The following ITGB7 variants were observed in gnomAD, a reference collection of about 807,000 sequenced individuals.
ITGB7 encodes integrin subunit beta 7.
ITGB7 carries 55 observed loss-of-function variants against 83.4 expected under a neutral mutation model. The observed-to-expected ratio is 0.66, with a 90% CI of 0.53 to 0.83. ITGB7 has a LOEUF of 0.83. Ranked by LOEUF, ITGB7 falls within the 40% of genes least tolerant of loss-of-function variation. The pLI is 0.00. For synonymous variants in ITGB7, 454 were observed against 423.6 expected (o/e 1.07, Z -0.88); for missense variants, 921 against 1,046.7 (o/e 0.88, Z 1.66).
chr12:53,200,795 G>A (rs1247452750), intron 2 of ITGB7, among the ~76,000 whole-genome samples: 1 of 152,158 alleles, frequency 6.6e-6, no homozygotes, highest in East Asian at 1.9e-4. Flanking sequence ...CAGGCATGGT[G>A]GCGTGCACCT....
At chr12:53,197,291 A>G in intron 5 of ITGB7, 1 of 656,118 alleles carries the variant, frequency 1.5e-6, no homozygotes, top group East Asian at 2.7e-5. Flanking sequence ...TGTAAAACGG[A>G]TAGTCTCTTG....
rs141826130 is a variant in ITGB7, at chr12:53,192,753, G to T, written c.1884C>A (p.Asp628Glu). The T allele has an allele frequency of 6.2e-7, 1 of 1,614,234 alleles. No homozygotes were observed. Among genetic ancestry groups the T allele is most frequent in the Non-Finnish European group, 8.5e-7 (1 of 1,180,050 alleles). Reference protein sequence around the residue: ...RCKCNRCQCLDGYYGALCDQC... With the variant: ...RCKCNRCQCLEGYYGALCDQC... ...GGTCGCATAGAGCACCATAGTAGCC[G>T]TCCAAGCACTGGCAGCGGTTGCATT... is the stretch of plus-strand genomic sequence containing the variant. Residue 628 changes from aspartate to glutamate, a missense_variant, in exon 13 of 16, where the codon GAC becomes GAA. By Grantham distance (45) the Asp-to-Glu change is conservative. Transcript: ENST00000267082.
At chr12:53,203,647 C>CAAAAAAAAAAAAAAAAAAAAAAAAA (rs1158624130) in intron 1 of ITGB7, among the ~76,000 whole-genome samples, 2 of 51,050 alleles carry the variant, frequency 3.9e-5, no homozygotes, top group Non-Finnish European at 9.2e-5. Flanking sequence ...GACCCTGTCT[C>CAAAAAAAAAAAAAAAAAAAAAAAAA]AAAAAAAAAA....
At chr12:53,195,901 GA>G in intron 7 of ITGB7, 139 bp downstream of exon 7, 1 of 1,082,708 alleles carries the variant, frequency 9.2e-7, no homozygotes, top group Non-Finnish European at 1.4e-6. Context: ...CTCGGCAGCT[GA>G]AAGGAGGAAC....
rs751293806 is a variant in ITGB7, at chr12:53,196,213, G to A, written c.817-14C>T. ...GCCAATCTGCTCCTGAGTTACAGTG[G>A]GGGTGGTAGGCTATGCACCTGGGCA... On this transcript the variant is annotated splice_polypyrimidine_tract_variant and intron_variant, in intron 6 of 15. Transcript: ENST00000267082. 7.4e-6 allele frequency: 12 copies of A among 1,613,386 alleles called. No homozygotes were observed. In the Admixed American group the frequency reaches 2.0e-4, roughly 27 times the overall value.
rs574226446 is a variant in ITGB7, at chr12:53,194,296, C to T, written c.1210G>A (p.Val404Ile). ...TLEHSSLPPG[V>I]HISYESQCEG... ...CACTGGGATTCGTAAGAAATGTGGA[C>T]CCCAGGAGGGAGTGAAGAGTGTTCA... The change falls in exon 10 of 16, where the codon GTC (valine) becomes ATC (isoleucine). Residue 404 changes from valine (V) to isoleucine (I), a missense_variant. By Grantham distance (29) the Val-to-Ile change is conservative. Transcript: ENST00000267082. 6.2e-7 allele frequency: 1 copy of T among 1,613,962 alleles called. No homozygotes were observed. Among genetic ancestry groups the T allele is most frequent in the Non-Finnish European group, 8.5e-7 (1 of 1,179,948 alleles).
Position 53,192,402 on chromosome 12 carries a change from TG to T in ITGB7, c.2082del (p.Asp694GlufsTer21). The T allele has an allele frequency of 1.9e-6, 3 of 1,613,572 alleles. No homozygotes were observed. The highest frequency in any genetic ancestry group is 2.5e-6 in the Non-Finnish European group (3 of 1,179,858). The stretch of plus-strand genomic sequence containing the variant: ...TCCACCAAGAAGAAGAACAGCTGGT[TG>T]TCCAGGGTCCGCTCTTTGCACCAGC... ...DDGWCKERTL[D>X]NQLFFFLVED... On this transcript the variant is annotated frameshift_variant, in exon 14 of 16. Coordinates refer to ENST00000267082, the MANE Select transcript of ITGB7 (RefSeq NM_000889.3). LOFTEE classifies it high-confidence loss of function.
At chr12:53,200,486 G>A in intron 2 of ITGB7, 40 bp from the exon 3 acceptor site, 2 of 1,571,192 alleles carry the variant, frequency 1.3e-6, no homozygotes, top group Non-Finnish European at 1.8e-6. Context: ...GGTCCTCAGG[G>A]AGGACTCTCA....
chr12:53,205,812 T>C (rs1342568738), intron 1 of ITGB7, among the ~76,000 whole-genome samples: 2 of 152,074 alleles, frequency 1.3e-5, no homozygotes, highest in African/African-American at 4.8e-5. Context: ...GGGTGGGGTG[T>C]TGAGTCCTTG....
intron 5 of ITGB7, 124 bp downstream of exon 5, chr12:53,197,368 TG>T: frequency 9.4e-7 from 1 of 1,067,778 alleles, no homozygotes; most frequent in South Asian, 1.3e-5. Context: ...ACCTGTGGCC[TG>T]GCTAGGCCTG....
In ITGB7 at chr12:53,193,163, C is replaced by T. The variant is rs747008975; in HGVS notation, c.1703G>A (p.Arg568Gln). The change falls in exon 12 of 16, where the codon CGA (arginine) becomes CAA (glutamine). Residue 568 changes from arginine (R) to glutamine (Q), a missense_variant. Physicochemically the swap from Arg to Gln is conservative, Grantham distance 43 (BLOSUM62 1). Transcript: ENST00000267082. The part of the protein sequence containing the change: ...LCECDDASCE[R>Q]HEGILCGGFG... The stretch of plus-strand genomic sequence containing the variant: ...ACCTCCGCAGAGGATGCCCTCATGT[C>T]GCTCACAGCTGGCATCGTCACACTC... The T allele has an allele frequency of 2.5e-5, 40 of 1,612,216 alleles. No homozygotes were observed. Among genetic ancestry groups the T allele is most frequent in the South Asian group, 1.6e-4 (15 of 90,950 alleles).
chr12:53,199,821 G>A (rs916245001), intron 3 of ITGB7, among the ~76,000 whole-genome samples: 1 of 152,142 alleles, frequency 6.6e-6, no homozygotes, highest in Non-Finnish European at 1.5e-5. Context: ...TAGGAGAAAT[G>A]AATTCCTGTT....
Position 53,191,661 on chromosome 12 carries a change from A to G in ITGB7, c.2317-25T>C, listed in dbSNP as rs758707586. 25 of 1,601,598 alleles carry G rather than the reference A, an allele frequency of 1.6e-5. 1 individual carries two copies. The South Asian group carries it at 2.8e-4, about 18-fold the overall frequency. On this transcript the variant is annotated intron_variant, in intron 15 of 15. Coordinates refer to ENST00000267082, the MANE Select transcript of ITGB7 (RefSeq NM_000889.3). The stretch of plus-strand genomic sequence containing the variant: ...CCTGGAGAAAGATGTTGCAGATTAT[A>G]AGCAAAAATCCCAGGATTCCTCGTC...
rs1942299290 is a variant in ITGB7, at chr12:53,200,445, C to T, written c.-2G>A. ...AAGGACCATTGGCAAAGCCACCATGCCCTGTAATAGGATATAAAGGGGGAC... is the reference window on the plus strand; with the variant it reads ...AAGGACCATTGGCAAAGCCACCATGTCCTGTAATAGGATATAAAGGGGGAC... On this transcript the variant is annotated splice_region_variant and 5_prime_UTR_variant, in exon 3 of 16. Transcript: ENST00000267082. 1.2e-6 allele frequency: 2 copies of T among 1,613,980 alleles called. No homozygotes were observed. The highest frequency in any genetic ancestry group is 1.7e-5 in the Admixed American group (1 of 60,016).
At position 53,202,096 on chromosome 12, in the gene ITGB7, T is replaced by C. The variant is rs140615788; in HGVS notation, c.-126-902A>G. 1.3e-4 allele frequency among the ~76,000 whole-genome samples: 20 copies of C among 152,302 alleles called. No individual in the cohort carries two copies. In the East Asian group the frequency reaches 3.7e-3, roughly 28 times the overall value. ...GGCTGGGGCTGGGCACAGTGGCTCA[T>C]GCCTGTAATCCCAGCACTTTGGGAG... On this transcript the variant is annotated intron_variant, in intron 1 of 15. Transcript: ENST00000267082.
intron 12 of ITGB7, 40 bp downstream of exon 12, chr12:53,193,100 G>T: frequency 1.9e-6 from 3 of 1,548,190 alleles, no homozygotes; most frequent in South Asian, 1.2e-5. Flanking sequence ...CCTTGGGAAG[G>T]CCTCTCAGAC....
chr12:53,194,144 T>C, intron 10 of ITGB7, 54 bp downstream of exon 10: 1 of 1,609,960 alleles, frequency 6.2e-7, no homozygotes, highest in Non-Finnish European at 8.5e-7. Flanking sequence ...CCTGCTTAAT[T>C]TCCCACTCCC....
In ITGB7 at chr12:53,195,943, G is replaced by T; in HGVS notation, c.975+98C>A. The T allele has an allele frequency of 2.2e-6, 3 of 1,380,288 alleles. No homozygotes were observed. In the South Asian group the frequency reaches 3.8e-5, roughly 18 times the overall value. The allele number at this position is 1,380,288 out of a possible 1,614,324, so 85.5% of individuals were successfully genotyped here. A position where few individuals can be genotyped will look rare whatever the true frequency, so the allele number is the denominator to read the frequency against. ...GAGAAGATGGCAGGGTGTCTACAGGGTGGTTACTGGTGAGGACTGTAAGGC... is the reference window on the plus strand; with the variant it reads ...GAGAAGATGGCAGGGTGTCTACAGGTTGGTTACTGGTGAGGACTGTAAGGC... On this transcript the variant is annotated intron_variant, in intron 7 of 15. Transcript: ENST00000267082.
At position 53,191,842 on chromosome 12, in the gene ITGB7, C is replaced by T; in HGVS notation, c.2316+17G>A. On this transcript the variant is annotated intron_variant, in intron 15 of 15. Coordinates refer to ENST00000267082, the MANE Select transcript of ITGB7 (RefSeq NM_000889.3). The stretch of plus-strand genomic sequence containing the variant: ...GGGGAACAGCTAAAAAGGGGCCTAA[C>T]CAGGAAGTCTCCTCACCTGCTTCCA... 1.2e-6 allele frequency: 2 copies of T among 1,613,284 alleles called. No individual in the cohort carries two copies. The highest frequency in any genetic ancestry group is 8.5e-7 in the Non-Finnish European group (1 of 1,179,926).
Sources: gnomAD v4.1 joint callset for allele counts (sites outside exome capture counted in the v4.1 genomes callset) on GRCh38, gnomAD v4.1.1 for gene constraint, MANE v1.5 for transcripts, NCBI Gene and HGNC (gene_info 2026-07-23, HGNC 2026-07-21) for gene names.